The following LRMDA variants were observed in gnomAD, a reference collection of about 807,000 sequenced individuals.
LRMDA encodes the protein leucine-rich melanocyte differentiation-associated protein.
LRMDA carries 18 observed loss-of-function variants against 29.8 expected under a neutral mutation model. The observed-to-expected ratio is 0.60, with a 90% confidence interval of 0.42 to 0.90. The LOEUF (loss-of-function observed/expected upper bound fraction) is 0.90, where lower values mean the gene tolerates loss of function less well. Among genes scored for constraint, LRMDA ranks in the 40% least tolerant of loss-of-function variants. The pLI is 0.00. For missense variants in LRMDA, 273 were observed against 273.9 expected (o/e 1.00, Z 0.02); for synonymous variants, 125 against 109.4 (o/e 1.14, Z -0.89).
chr10:75,746,960 G>A (rs1475647305), intron 2 of LRMDA, among the ~76,000 whole-genome samples: 2 of 152,152 alleles, frequency 1.3e-5, no homozygotes, highest in African/African-American at 4.8e-5. Context: ...CTACTGTGAT[G>A]GAGAAGTTGG....
intron 2 of LRMDA, among the ~76,000 whole-genome samples, chr10:75,720,206 A>G (rs1388068252): frequency 2.0e-5 from 3 of 152,190 alleles, no homozygotes; most frequent in Non-Finnish European, 4.4e-5. Context: ...TCTTAGTAAA[A>G]TAAGAAAATT....
intron 5 of LRMDA, among the ~76,000 whole-genome samples, chr10:76,273,464 TA>T (rs1394646147): frequency 6.6e-6 from 1 of 152,224 alleles, no homozygotes; most frequent in Admixed American, 6.5e-5. Context: ...CAGAGTTTGT[TA>T]AAATCACGTT....
chr10:75,625,711 A>G (rs73277031), intron 2 of LRMDA, among the ~76,000 whole-genome samples: 6,240 of 152,240 alleles, frequency 0.041, 333 homozygotes, highest in African/African-American at 0.11. Flanking sequence ...AAATACTTCA[A>G]TAGTTACTGT....
At chr10:76,172,638 G>A (rs926064998) in intron 5 of LRMDA, among the ~76,000 whole-genome samples, 1 of 152,196 alleles carries the variant, frequency 6.6e-6, no homozygotes, top group Non-Finnish European at 1.5e-5. Flanking sequence ...AGCAGATGGA[G>A]CACCCTTTGG....
intron 2 of LRMDA, among the ~76,000 whole-genome samples, chr10:75,453,018 G>A (rs890929577): frequency 5.9e-5 from 9 of 152,186 alleles, no homozygotes; most frequent in Admixed American, 5.2e-4. Flanking sequence ...GAGAGGAAAA[G>A]ACTTGTATAT....
chr10:75,549,822 A>G (rs940569441), intron 2 of LRMDA, among the ~76,000 whole-genome samples: 2 of 152,140 alleles, frequency 1.3e-5, no homozygotes, highest in African/African-American at 4.8e-5. Context: ...GGCTCATGGC[A>G]TGCACTGATG....
At chr10:75,634,152 C>G (rs1344097210) in intron 2 of LRMDA, among the ~76,000 whole-genome samples, 1 of 152,186 alleles carries the variant, frequency 6.6e-6, no homozygotes, top group Non-Finnish European at 1.5e-5. Context: ...ACGATACAGA[C>G]TCTTTACCTC....
At chr10:76,052,736 A>G (rs1848551086) in intron 4 of LRMDA, among the ~76,000 whole-genome samples, 1 of 152,178 alleles carries the variant, frequency 6.6e-6, no homozygotes, top group Non-Finnish European at 1.5e-5. Context: ...AGACAGAGAC[A>G]AATGGGTCTT....
intron 5 of LRMDA, among the ~76,000 whole-genome samples, chr10:76,161,800 A>G (rs1384758998): frequency 6.6e-6 from 1 of 152,174 alleles, no homozygotes; most frequent in Non-Finnish European, 1.5e-5. Flanking sequence ...AATTTAACCA[A>G]AAGAAGGGCT....
chr10:76,414,430 T>G (rs1841994137), intron 6 of LRMDA, among the ~76,000 whole-genome samples: 1 of 152,192 alleles, frequency 6.6e-6, no homozygotes, highest in Admixed American at 6.5e-5. Context: ...CCTCCCTTCC[T>G]TCCCTCTCTC....
At chr10:75,764,349 G>A (rs1843134207) in intron 2 of LRMDA, among the ~76,000 whole-genome samples, 1 of 152,212 alleles carries the variant, frequency 6.6e-6, no homozygotes, top group African/African-American at 2.4e-5. Flanking sequence ...CTAAACTGTG[G>A]TTGAGCTGGG....
intron 2 of LRMDA, among the ~76,000 whole-genome samples, chr10:75,831,120 A>G (rs548210819): frequency 6.6e-6 from 1 of 151,048 alleles, no homozygotes; most frequent in South Asian, 2.1e-4. Context: ...ATCTCGGCTC[A>G]CTGCAAGCTC....
At chr10:76,243,642 T>C (rs895939196) in intron 5 of LRMDA, among the ~76,000 whole-genome samples, 7 of 152,184 alleles carry the variant, frequency 4.6e-5, no homozygotes, top group Admixed American at 4.6e-4. Context: ...GCTGTGTTTC[T>C]CTGTACTGTG....
At chr10:76,360,601 A>G (rs191694485) in intron 6 of LRMDA, among the ~76,000 whole-genome samples, 6 of 152,286 alleles carry the variant, frequency 3.9e-5, no homozygotes, top group Admixed American at 3.3e-4. Context: ...GTTTATAACA[A>G]TTTCTAACCA....
chr10:75,889,730 T>C (rs1041818593), intron 2 of LRMDA, among the ~76,000 whole-genome samples: 12 of 152,312 alleles, frequency 7.9e-5, no homozygotes, highest in Admixed American at 2.6e-4. Flanking sequence ...CAGTTAGTTA[T>C]TGAGAACTTG....
chr10:76,144,772 G>A lies in LRMDA; in HGVS notation c.516+85989G>A, dbSNP rs1247698824. Among the ~76,000 whole-genome samples, 55 of 152,064 alleles carry A rather than the reference G, an allele frequency of 3.6e-4. 1 individual carries two copies. The highest frequency in any genetic ancestry group is 6.8e-4 in the Non-Finnish European group (46 of 67,998). On this transcript the variant is annotated intron_variant, in intron 5 of 6. Transcript: ENST00000611255. The stretch of plus-strand genomic sequence containing the variant: ...GAGAGGGCATCCCTGTCTTGTGCCT[G>A]TTTTCAAAGGGAATGCTTCCAGTTT...
chr10:75,845,300 C>T (rs1033104882), intron 2 of LRMDA, among the ~76,000 whole-genome samples: 14 of 151,978 alleles, frequency 9.2e-5, no homozygotes, highest in African/African-American at 3.1e-4. Context: ...CAATGGTTTT[C>T]ACATTAGTGA....
intron 5 of LRMDA, among the ~76,000 whole-genome samples, chr10:76,062,367 G>A (rs1335373584): frequency 6.6e-6 from 1 of 152,134 alleles, no homozygotes; most frequent in Non-Finnish European, 1.5e-5. Flanking sequence ...GTAGGGAAAC[G>A]GGCAGTCTGG....
intron 1 of LRMDA, among the ~76,000 whole-genome samples, chr10:75,436,432 GGGTT>G (rs1844264557): frequency 6.6e-6 from 1 of 152,002 alleles, no homozygotes; most frequent in Non-Finnish European, 1.5e-5. Flanking sequence ...CATGGACCTG[GGGTT>G]CATTGTGAAC....
Sources: allele counts gnomAD v4.1 joint callset (sites outside exome capture counted in the v4.1 genomes callset), GRCh38; gene constraint gnomAD v4.1.1; transcripts MANE v1.5; gene names NCBI Gene and HGNC (gene_info 2026-07-23, HGNC 2026-07-21).